PRR5L: variants seen among roughly 807,000 people sequenced by gnomAD.
The protein encoded by PRR5L is proline rich 5 like.
Under a neutral mutation model 36.4 loss-of-function variants are expected in PRR5L, and 21 were observed. That is an observed-to-expected ratio of 0.58 (90% CI 0.41 to 0.83). The LOEUF (loss-of-function observed/expected upper bound fraction) is 0.83, where lower values mean the gene tolerates loss of function less well. Ranked by LOEUF, PRR5L falls within the 40% of genes least tolerant of loss-of-function variation. PRR5L has a pLI of 0.00. For synonymous variants in PRR5L, 188 were observed against 197.0 expected, an observed-to-expected ratio of 0.95 and a Z score of 0.38; for missense variants, 381 against 473.3, an observed-to-expected ratio of 0.80 and a Z score of 1.81.
intron 8 of PRR5L, among the ~76,000 whole-genome samples, chr11:36,460,048 G>A (rs767294074): frequency 2.5e-4 from 38 of 152,132 alleles, no homozygotes; most frequent in Non-Finnish European, 4.7e-4. Flanking sequence ...ATGATAACTA[G>A]ATATTTTGAT....
chr11:36,424,914 C>A (rs566201172), intron 4 of PRR5L, among the ~76,000 whole-genome samples: 2 of 152,080 alleles, frequency 1.3e-5, no homozygotes, highest in Non-Finnish European at 2.9e-5. Flanking sequence ...CTCCGCCTCC[C>A]GGATTCAAGT....
intron 5 of PRR5L, among the ~76,000 whole-genome samples, chr11:36,435,917 T>G (rs1208770668): frequency 6.6e-6 from 1 of 152,174 alleles, no homozygotes; most frequent in Non-Finnish European, 1.5e-5. Context: ...CTAAGCACTA[T>G]GATGAGCAAG....
At chr11:36,337,537 A>C (rs544821044) in intron 1 of PRR5L, among the ~76,000 whole-genome samples, 15 of 152,184 alleles carry the variant, frequency 9.9e-5, no homozygotes, top group Non-Finnish European at 1.9e-4. Flanking sequence ...TGTATTTATG[A>C]CTTTTTAAAA....
At chr11:36,426,843 C>A (rs1179233813) in intron 4 of PRR5L, among the ~76,000 whole-genome samples, 4 of 152,198 alleles carry the variant, frequency 2.6e-5, no homozygotes, top group Non-Finnish European at 5.9e-5. Context: ...TACAGAATTC[C>A]TGCTTCCTGG....
intron 8 of PRR5L, among the ~76,000 whole-genome samples, chr11:36,453,351 G>A (rs895006513): frequency 3.9e-5 from 6 of 152,222 alleles, no homozygotes; most frequent in African/African-American, 1.2e-4. Flanking sequence ...CCAGGAACAA[G>A]AGTCAATTGG....
chr11:36,385,445 G>A (rs139173418), intron 1 of PRR5L, among the ~76,000 whole-genome samples: 19 of 152,342 alleles, frequency 1.2e-4, no homozygotes, highest in African/African-American at 4.6e-4. Flanking sequence ...ATGATGTGAT[G>A]ATATAATTAC....
At chr11:36,453,580 T>C (rs1490981264) in intron 8 of PRR5L, among the ~76,000 whole-genome samples, 1 of 152,126 alleles carries the variant, frequency 6.6e-6, no homozygotes, top group Non-Finnish European at 1.5e-5. Context: ...TTTCAGCAAA[T>C]GTGTACTAAG....
intron 1 of PRR5L, among the ~76,000 whole-genome samples, chr11:36,342,904 G>A (rs574801372): frequency 1.3e-5 from 2 of 152,212 alleles, no homozygotes; most frequent in South Asian, 2.1e-4. Context: ...AAAAATACTG[G>A]TGATGCACCA....
At chr11:36,438,337 G>A (rs972946216) in intron 6 of PRR5L, among the ~76,000 whole-genome samples, 3 of 152,120 alleles carry the variant, frequency 2.0e-5, no homozygotes, top group Non-Finnish European at 2.9e-5. Context: ...AAGTGTGGGC[G>A]TCGTATGCAG....
chr11:36,299,377 G>A (rs1475975816), intron 1 of PRR5L, among the ~76,000 whole-genome samples: 3 of 152,152 alleles, frequency 2.0e-5, no homozygotes, highest in Admixed American at 2.0e-4. Context: ...ATTGGGACTT[G>A]GAGTGCTCCT....
chr11:36,342,340 G>A lies in PRR5L; in HGVS notation c.-126+45902G>A, dbSNP rs927006304. Among the ~76,000 whole-genome samples the A allele has an allele frequency of 3.3e-5, 5 of 152,238 alleles. No homozygotes were observed. The East Asian group carries it at 5.8e-4, about 18-fold the overall frequency. On this transcript the variant is annotated intron_variant, in intron 1 of 8. Transcript: ENST00000530639. ...AAGCTGGAGATCAGTAGGGCAGACG[G>A]GGGCGAAATATGCCCCATAAGAACA...
chr11:36,396,472 G>A (rs1245786525), intron 1 of PRR5L, among the ~76,000 whole-genome samples: 13 of 152,234 alleles, frequency 8.5e-5, no homozygotes, highest in Non-Finnish European at 1.3e-4. Flanking sequence ...GCTCCTCAGT[G>A]GAGTATTTCC....
chr11:36,434,161 C>T (rs1858558682), intron 5 of PRR5L, among the ~76,000 whole-genome samples: 1 of 152,142 alleles, frequency 6.6e-6, no homozygotes, highest in Non-Finnish European at 1.5e-5. Context: ...GTCCCCCTGC[C>T]CTGGCATGGC....
chr11:36,359,637 G>T (rs1857064348), intron 1 of PRR5L, among the ~76,000 whole-genome samples: 1 of 152,184 alleles, frequency 6.6e-6, no homozygotes, highest in Non-Finnish European at 1.5e-5. Context: ...TGATTCCAGA[G>T]CAGATGCCAT....
intron 1 of PRR5L, among the ~76,000 whole-genome samples, chr11:36,300,130 T>TTAG (rs1234237943): frequency 3.9e-5 from 6 of 152,178 alleles, no homozygotes; most frequent in African/African-American, 1.4e-4. Flanking sequence ...AGCAATTCTG[T>TTAG]TAGTCTGTTT....
At chr11:36,391,623 G>A (rs1366525482) in intron 1 of PRR5L, among the ~76,000 whole-genome samples, 3 of 152,164 alleles carry the variant, frequency 2.0e-5, no homozygotes, top group Admixed American at 2.0e-4. Flanking sequence ...CCTTCCGAAA[G>A]AAATATGGAC....
chr11:36,299,368 T>C (rs1488501985), intron 1 of PRR5L, among the ~76,000 whole-genome samples: 4 of 152,138 alleles, frequency 2.6e-5, no homozygotes, highest in African/African-American at 7.2e-5. Flanking sequence ...TAGTGGGCAA[T>C]TGGGACTTGG....
chr11:36,385,106 A>C (rs1392722248), intron 1 of PRR5L, among the ~76,000 whole-genome samples: 1 of 152,176 alleles, frequency 6.6e-6, no homozygotes, highest in Non-Finnish European at 1.5e-5. Context: ...TGGCTGCCAG[A>C]CTGTAGCTTT....
chr11:36,396,021 T>A (rs190493171), intron 1 of PRR5L: 36 of 152,362 alleles, frequency 2.4e-4, no homozygotes, highest in African/African-American at 8.2e-4. Flanking sequence ...TGGGCCACTA[T>A]GCCTGGCCTA....
Sources: gnomAD v4.1 joint callset for allele counts (sites outside exome capture counted in the v4.1 genomes callset) on GRCh38, gnomAD v4.1.1 for gene constraint, MANE v1.5 for transcripts, NCBI Gene and HGNC (gene_info 2026-07-23, HGNC 2026-07-21) for gene names.